The following NMT2 variants were observed in gnomAD, a reference collection of about 807,000 sequenced individuals.
The protein encoded by NMT2 is N-myristoyltransferase 2.
A neutral mutation model predicts 65.4 loss-of-function variants in NMT2; 35 were observed. That is an observed-to-expected ratio of 0.54 (90% CI 0.41 to 0.71). The LOEUF is 0.71. Among genes scored for constraint, NMT2 ranks in the 30% least tolerant of loss-of-function variants. The probability of loss-of-function intolerance (pLI) is 0.00; values close to 1 mark genes in which losing one functional copy is unlikely to be tolerated. For synonymous variants in NMT2, 226 were observed against 231.8 expected (o/e 0.98, Z 0.23); for missense variants, 489 against 611.3 (o/e 0.80, Z 2.11).
At chr10:15,117,943 A>T (rs1845797795) in intron 9 of NMT2, among the ~76,000 whole-genome samples, 1 of 152,224 alleles carries the variant, frequency 6.6e-6, no homozygotes, top group Non-Finnish European at 1.5e-5. Flanking sequence ...ATTATCCTCA[A>T]ATTAATCTAT....
At chr10:15,141,282 A>C in intron 2 of NMT2, 140 bp downstream of exon 2, 1 of 1,144,828 alleles carries the variant, frequency 8.7e-7, no homozygotes, top group South Asian at 1.5e-5. Context: ...GAGGCTGTCA[A>C]GAGCTTCCAG....
intron 1 of NMT2, among the ~76,000 whole-genome samples, chr10:15,145,840 G>A (rs188787264): frequency 1.3e-5 from 2 of 152,290 alleles, no homozygotes; most frequent in Admixed American, 1.3e-4. Context: ...AGGGGTCTGC[G>A]TCCCACAGGA....
At chr10:15,128,201 T>G in intron 8 of NMT2, 149 bp downstream of exon 8, 1 of 627,848 alleles carries the variant, frequency 1.6e-6, no homozygotes, top group South Asian at 1.8e-5. Context: ...CTACCTTCCC[T>G]AGCTCCCGAG....
chr10:15,165,149 G>C (rs1261780190), intron 1 of NMT2, among the ~76,000 whole-genome samples: 1 of 146,652 alleles, frequency 6.8e-6, no homozygotes, highest in Non-Finnish European at 1.5e-5. Context: ...GGTGACAAGA[G>C]CAAAACTCCA....
intron 1 of NMT2, among the ~76,000 whole-genome samples, chr10:15,160,944 A>G (rs1215050400): frequency 6.6e-6 from 1 of 151,770 alleles, no homozygotes; most frequent in Non-Finnish European, 1.5e-5. Context: ...AGAAAACAGC[A>G]TCTGGCCAGG....
intron 1 of NMT2, among the ~76,000 whole-genome samples, chr10:15,145,711 T>C (rs1846939176): frequency 6.6e-6 from 1 of 152,044 alleles, no homozygotes; most frequent in African/African-American, 2.4e-5. Flanking sequence ...GTGAATGGTA[T>C]GGTATGTGAA....
intron 1 of NMT2, among the ~76,000 whole-genome samples, chr10:15,144,874 A>G (rs1007690873): frequency 2.0e-5 from 3 of 152,242 alleles, no homozygotes; most frequent in African/African-American, 7.2e-5. Context: ...GATTCCCTGT[A>G]TACCCTAGCC....
intron 8 of NMT2, among the ~76,000 whole-genome samples, chr10:15,123,980 T>C (rs1343413885): frequency 6.6e-6 from 1 of 152,206 alleles, no homozygotes; most frequent in Non-Finnish European, 1.5e-5. Flanking sequence ...ATTATGGTTA[T>C]TTATATGATT....
intron 8 of NMT2, 104 bp downstream of exon 8, chr10:15,128,246 C>G: frequency 1.4e-6 from 1 of 725,168 alleles, no homozygotes; most frequent in Non-Finnish European, 2.4e-6. Context: ...TATTCACTTC[C>G]TCAGACACAC....
chr10:15,139,175 C>T (rs1366524732), intron 2 of NMT2, among the ~76,000 whole-genome samples: 2 of 152,164 alleles, frequency 1.3e-5, no homozygotes, highest in African/African-American at 4.8e-5. Context: ...CAGACTGGCT[C>T]TCCTTGCTCC....
In NMT2 at chr10:15,106,943, A is replaced by G. The variant is rs546405872; in HGVS notation, c.*2252T>C. On this transcript the variant is annotated 3_prime_UTR_variant, in exon 12 of 12. Coordinates refer to ENST00000378165, the MANE Select transcript of NMT2 (RefSeq NM_004808.3). ...TAGCAAGACCTTGTCTCTACAAAAA[A>G]TGAAAAACTTAGCCAGGCGTGGTGG... Among the ~76,000 whole-genome samples the G allele has an allele frequency of 6.6e-6, 1 of 152,188 alleles. No individual in the cohort carries two copies. The highest frequency in any genetic ancestry group is 2.4e-5 in the African/African-American group (1 of 41,446).
chr10:15,167,305 T>C (rs762897650), intron 1 of NMT2, among the ~76,000 whole-genome samples: 2 of 152,234 alleles, frequency 1.3e-5, no homozygotes, highest in Non-Finnish European at 2.9e-5. Context: ...TTTTCTTCAT[T>C]TGTTAATATT....
intron 3 of NMT2, 58 bp downstream of exon 3, chr10:15,135,216 G>GTTT: frequency 6.9e-7 from 1 of 1,456,296 alleles, no homozygotes; most frequent in Non-Finnish European, 9.6e-7. Flanking sequence ...TGTTGTTGTT[G>GTTT]TTGTTGTTCA....
chr10:15,162,251 C>CAAAAAA (rs35457996), intron 1 of NMT2, among the ~76,000 whole-genome samples: 1 of 68,148 alleles, frequency 1.5e-5, no homozygotes, highest in Non-Finnish European at 2.9e-5. Context: ...GACCTTGTCT[C>CAAAAAA]AAAAAAAAAA....
chr10:15,119,392 G>A lies in NMT2; in HGVS notation c.1121C>T (p.Ala374Val). The A allele has an allele frequency of 6.2e-7, 1 of 1,614,116 alleles. No homozygotes were observed. The highest frequency in any genetic ancestry group is 1.3e-5 in the African/African-American group (1 of 75,020). The stretch of plus-strand genomic sequence containing the variant: ...GTGCTCCCGGGGGAGGAACCAGTGG[G>A]CTACTTCCTCTTCATCCATCACTGG... ...LAPVMDEEEV[A>V]HWFLPREHII... is the part of the protein sequence containing the mutation. Residue 374 changes from alanine to valine, a missense_variant, in exon 9 of 12, where the codon GCC becomes GTC. Ala to Val is a moderately conservative substitution (Grantham distance 64). Coordinates refer to ENST00000378165, the MANE Select transcript of NMT2 (RefSeq NM_004808.3).
chr10:15,121,311 C>T (rs1231166931), intron 8 of NMT2, among the ~76,000 whole-genome samples: 5 of 152,148 alleles, frequency 3.3e-5, no homozygotes, highest in Non-Finnish European at 5.9e-5. Context: ...GAAAAACTTC[C>T]TGTAGAATGA....
At position 15,168,613 on chromosome 10, in the gene NMT2, C is replaced by T. The variant is rs1333370150; in HGVS notation, c.-1G>A. On this transcript the variant is annotated 5_prime_UTR_variant, in exon 1 of 12. Coordinates refer to ENST00000378165, the MANE Select transcript of NMT2 (RefSeq NM_004808.3). ...CCGCAGACTCGCTGTCCTCCGCCAT[C>T]GCGGCGGCGCTGGCTGGGGAGGCGG... 4 of 1,575,760 alleles carry T rather than the reference C, an allele frequency of 2.5e-6. No homozygotes were observed. The South Asian group carries it at 4.5e-5, about 18-fold the overall frequency.
chr10:15,168,397 G>A lies in NMT2; in HGVS notation c.110+106C>T, dbSNP rs1413902821. The stretch of plus-strand genomic sequence containing the variant: ...GCCACGGAGAAGCCATCGCGGGGCG[G>A]AGCGGCCGAAGAACCCCCAGTCCTG... On this transcript the variant is annotated intron_variant, in intron 1 of 11. Coordinates refer to ENST00000378165, the MANE Select transcript of NMT2 (RefSeq NM_004808.3). 4.9e-6 allele frequency: 4 copies of A among 809,948 alleles called. No individual in the cohort carries two copies. In the South Asian group the frequency reaches 6.3e-5, roughly 13 times the overall value. The allele number at this position is 809,948 out of a possible 1,614,324, so 50.2% of individuals were successfully genotyped here.
chr10:15,137,051 T>G (rs908423679), intron 2 of NMT2, among the ~76,000 whole-genome samples: 23 of 152,224 alleles, frequency 1.5e-4, no homozygotes, highest in African/African-American at 5.5e-4. Flanking sequence ...TTTTGCTGTA[T>G]GTCAACACAG....
Sources: gnomAD v4.1 joint callset for allele counts (sites outside exome capture counted in the v4.1 genomes callset) on GRCh38, gnomAD v4.1.1 for gene constraint, MANE v1.5 for transcripts, NCBI Gene and HGNC (gene_info 2026-07-23, HGNC 2026-07-21) for gene names.